Variants in EPM2A observed in about 807,000 individuals in gnomAD.
EPM2A encodes laforin.
A neutral mutation model predicts 26.5 loss-of-function variants in EPM2A; 21 were observed. That is an observed-to-expected ratio of 0.79 (90% CI 0.56 to 1.14). The LOEUF (loss-of-function observed/expected upper bound fraction) is 1.14. Ranked by LOEUF, EPM2A falls within the 50% of genes most tolerant of loss-of-function variation. The pLI is 0.00. For synonymous variants in EPM2A, 217 were observed against 177.6 expected (o/e 1.22, Z -1.76); for missense variants, 458 against 440.8 (o/e 1.04, Z -0.35).
intron 4 of EPM2A, among the ~76,000 whole-genome samples, chr6:145,411,503 T>G (rs563483575): frequency 6.6e-6 from 1 of 152,170 alleles, no homozygotes; most frequent in South Asian, 2.1e-4. Context: ...GCACAGGTGG[T>G]CAGTGTGACA....
intron 4 of EPM2A, among the ~76,000 whole-genome samples, chr6:145,399,816 C>A (rs188231953): frequency 1.3e-4 from 20 of 152,204 alleles, no homozygotes; most frequent in Admixed American, 1.3e-3. Flanking sequence ...ACAAAAATTA[C>A]GAACTACAGA....
intron 1 of EPM2A, among the ~76,000 whole-genome samples, chr6:145,704,307 T>C (rs1396577240): frequency 6.6e-6 from 1 of 152,176 alleles, no homozygotes; most frequent in Non-Finnish European, 1.5e-5. Context: ...AAAATAGTTA[T>C]CAAATTTTTT....
intron 2 of EPM2A, among the ~76,000 whole-genome samples, chr6:145,554,445 TA>T (rs1780697436): frequency 6.6e-6 from 1 of 151,816 alleles, no homozygotes; most frequent in Non-Finnish European, 1.5e-5. Context: ...GATAGATAGA[TA>T]GATAGATAGA....
intron 4 of EPM2A, among the ~76,000 whole-genome samples, chr6:145,466,893 A>G (rs1012036840): frequency 6.6e-5 from 10 of 152,212 alleles, no homozygotes; most frequent in African/African-American, 2.4e-4. Flanking sequence ...TATCGCAAGA[A>G]CAAAAAACCA....
At chr6:145,599,077 T>C (rs1781384134) in intron 2 of EPM2A, among the ~76,000 whole-genome samples, 1 of 152,210 alleles carries the variant, frequency 6.6e-6, no homozygotes, top group Admixed American at 6.5e-5. Flanking sequence ...TAGGATTGCC[T>C]TGGCTATTCG....
intron 2 of EPM2A, among the ~76,000 whole-genome samples, chr6:145,613,438 C>G (rs1480236077): frequency 6.6e-6 from 1 of 152,106 alleles, no homozygotes; most frequent in African/African-American, 2.4e-5. Flanking sequence ...ACCTATGAAT[C>G]ATAAATGTTC....
Position 145,418,278 on chromosome 6 carries a change from C to T in EPM2A, c.556-34181G>A, listed in dbSNP as rs539874387. 3.3e-5 allele frequency among the ~76,000 whole-genome samples: 5 copies of T among 152,314 alleles called. No homozygotes were observed. The South Asian group carries it at 6.2e-4, about 19-fold the overall frequency. On this transcript the variant is annotated intron_variant, in intron 4 of 4. Coordinates refer to the EPM2A transcript ENST00000638717. ...GGATGCAAATTCCCACAAATTCTTC[C>T]GCTCAGTGCTAAGTGTGTCCTGCTC...
intron 2 of EPM2A, among the ~76,000 whole-genome samples, chr6:145,579,682 G>T (rs1181095020): frequency 6.6e-6 from 1 of 152,100 alleles, no homozygotes; most frequent in African/African-American, 2.4e-5. Context: ...TACATTTATT[G>T]TGATCATTGA....
At chr6:145,700,200 G>A (rs553866987) in intron 1 of EPM2A, among the ~76,000 whole-genome samples, 4 of 152,184 alleles carry the variant, frequency 2.6e-5, no homozygotes, top group African/African-American at 9.6e-5. Flanking sequence ...ACATTTGCTG[G>A]ATACTGAAAT....
At position 145,566,051 on chromosome 6, in the gene EPM2A, G is replaced by A. The variant is rs529240233; in HGVS notation, c.341-63476C>T. ...AATGAATGAATGTAGTAGTAACTCC[G>A]TAACCCAAGTCAGCCTCTTCTTAGG... On this transcript the variant is annotated intron_variant, in intron 2 of 3. Transcript: ENST00000450221. Among the ~76,000 whole-genome samples, 8 of 152,248 alleles carry A rather than the reference G, an allele frequency of 5.3e-5. No homozygotes were observed. The South Asian group carries it at 6.2e-4, about 12-fold the overall frequency.
At chr6:145,686,016 C>T (rs541522265) in intron 2 of EPM2A, 106 bp downstream of exon 2, 2 of 982,068 alleles carry the variant, frequency 2.0e-6, no homozygotes, top group South Asian at 1.4e-5. Context: ...GCCTATAGAC[C>T]CCTCCCAAGT....
chr6:145,584,478 C>A (rs906864660), intron 2 of EPM2A, among the ~76,000 whole-genome samples: 28 of 152,272 alleles, frequency 1.8e-4, no homozygotes, highest in Middle Eastern at 3.4e-3. Context: ...GGGAGTTTGG[C>A]CAGCCCTGGG....
chr6:145,558,145 C>G (rs1391098167), intron 2 of EPM2A, among the ~76,000 whole-genome samples: 3 of 152,022 alleles, frequency 2.0e-5, no homozygotes. Flanking sequence ...TTTATATATA[C>G]TACATTTTCT....
At chr6:145,732,064 G>C (rs1286865720) in intron 1 of EPM2A, among the ~76,000 whole-genome samples, 1 of 152,172 alleles carries the variant, frequency 6.6e-6, no homozygotes, top group South Asian at 2.1e-4. Flanking sequence ...TTTTCTCTCT[G>C]ATTTTACCAT....
At position 145,389,389 on chromosome 6, in the gene EPM2A, A is replaced by C. The variant is rs186216655; in HGVS notation, c.556-5292T>G. On this transcript the variant is annotated intron_variant, in intron 4 of 4. Transcript: ENST00000638717. ...ATATTTTTAGTAGAGACGGGGTTTCACCATGTTGGCCAGGCTGGTCTTGAA... is the reference window on the plus strand; with the variant it reads ...ATATTTTTAGTAGAGACGGGGTTTCCCCATGTTGGCCAGGCTGGTCTTGAA... Among the ~76,000 whole-genome samples the C allele has an allele frequency of 2.7e-3, 404 of 152,010 alleles. 3 individuals are homozygous for C. Among genetic ancestry groups the C allele is most frequent in the African/African-American group, 9.4e-3 (391 of 41,446 alleles).
chr6:145,652,496 A>T (rs1777953599), intron 2 of EPM2A, among the ~76,000 whole-genome samples: 1 of 152,136 alleles, frequency 6.6e-6, no homozygotes, highest in Non-Finnish European at 1.5e-5. Context: ...AAGACTTTGT[A>T]CTAAAATGTA....
At chr6:145,427,177 C>T (rs528525136) in intron 4 of EPM2A, among the ~76,000 whole-genome samples, 2 of 152,168 alleles carry the variant, frequency 1.3e-5, no homozygotes, top group African/African-American at 4.8e-5. Flanking sequence ...CAAGTCCACA[C>T]CCCTTGTTTG....
At chr6:145,529,544 T>C (rs1484998777) in intron 2 of EPM2A, among the ~76,000 whole-genome samples, 1 of 152,228 alleles carries the variant, frequency 6.6e-6, no homozygotes, top group African/African-American at 2.4e-5. Flanking sequence ...TAAAGATATG[T>C]ACATTTTAGA....
intron 4 of EPM2A, among the ~76,000 whole-genome samples, chr6:145,432,202 T>G (rs1216185466): frequency 1.3e-5 from 2 of 152,202 alleles, no homozygotes; most frequent in African/African-American, 4.8e-5. Flanking sequence ...AAACTCCTGT[T>G]AGTGTTGATA....
Sources: allele counts gnomAD v4.1 joint callset (sites outside exome capture counted in the v4.1 genomes callset), GRCh38; gene constraint gnomAD v4.1.1; transcripts MANE v1.5; gene names NCBI Gene and HGNC (gene_info 2026-07-23, HGNC 2026-07-21).